SGPP1: variants seen among roughly 807,000 people sequenced by gnomAD.
SGPP1 encodes sphingosine-1-phosphate phosphatase 1.
SGPP1 carries 21 observed loss-of-function variants against 33.0 expected under a neutral mutation model. The observed-to-expected ratio is 0.64, with a 90% CI of 0.45 to 0.92. SGPP1 has a LOEUF of 0.92. Among genes scored for constraint, SGPP1 ranks in the 40% least tolerant of loss-of-function variants. The probability of loss-of-function intolerance (pLI) is 0.00; values close to 1 mark genes in which losing one functional copy is unlikely to be tolerated. For missense variants in SGPP1, 543 were observed against 589.4 expected (o/e 0.92, Z 0.81); for synonymous variants, 239 against 241.2 (o/e 0.99, Z 0.08).
chr14:63,728,036 C>G lies in SGPP1; in HGVS notation c.-92G>C, dbSNP rs1344541458. The G allele has an allele frequency of 7.6e-7, 1 of 1,315,040 alleles. No homozygotes were observed. The highest frequency in any genetic ancestry group is 1.5e-5 in the African/African-American group (1 of 64,744). 81.5% of individuals were successfully genotyped at this position (1,315,040 alleles called of 1,614,324 possible). The stretch of plus-strand genomic sequence containing the variant: ...GCCAGCGGCAGCGGAACCGGCACAG[C>G]GCTCTACCCTCCGGAGTCTGCCGGG... On this transcript the variant is annotated 5_prime_UTR_variant, in exon 1 of 3. Coordinates refer to ENST00000247225, the MANE Select transcript of SGPP1 (RefSeq NM_030791.4).
chr14:63,688,343 AT>A (rs1885026516), intron 2 of SGPP1, among the ~76,000 whole-genome samples: 11 of 145,616 alleles, frequency 7.6e-5, no homozygotes, highest in African/African-American at 2.7e-4. Context: ...AAAAAAAAAA[AT>A]TTTAAAAGAA....
rs983517518 is a variant in SGPP1 at position 63,689,785 on chromosome 14, A to C, written c.775-3129T>G. ...GCACTCTAGCCTTGGTGACAGAGCA[A>C]GACTCTGTCTCAAAAAAAAAAAAAA... On this transcript the variant is annotated intron_variant, in intron 2 of 2. Transcript: ENST00000247225. Among the ~76,000 whole-genome samples the C allele has an allele frequency of 6.1e-4, 93 of 151,652 alleles. 1 individual carries two copies. The highest frequency in any genetic ancestry group is 2.3e-3 in the African/African-American group (93 of 41,310).
intron 2 of SGPP1, among the ~76,000 whole-genome samples, chr14:63,688,109 G>T (rs1332490076): frequency 6.7e-6 from 1 of 150,370 alleles, no homozygotes; most frequent in East Asian, 2.0e-4. Context: ...TGGGCAACAA[G>T]AGTGAAACTC....
chr14:63,692,455 C>CTT (rs143607749), intron 2 of SGPP1, among the ~76,000 whole-genome samples: 3 of 144,816 alleles, frequency 2.1e-5, no homozygotes, highest in African/African-American at 7.5e-5. Context: ...GTTCAACTTC[C>CTT]TTTTTTTTTT....
chr14:63,727,637 C>A lies in SGPP1; in HGVS notation c.308G>T (p.Arg103Leu). Reference sequence around the variant, plus strand: ...GTTGCGGCGCAGAGCGCCCGCGCGCCGCGGCGAGGCCGGGCCCAGCTCGGC... The same window carrying A: ...GTTGCGGCGCAGAGCGCCCGCGCGCAGCGGCGAGGCCGGGCCCAGCTCGGC... ...LAAELGPASP[R>L]RAGALRRNSL... The change falls in exon 1 of 3, where the codon CGG becomes CTG. Residue 103 changes from arginine (R) to leucine (L), a missense_variant. Coordinates refer to ENST00000247225, the MANE Select transcript of SGPP1 (RefSeq NM_030791.4). 7.2e-7 allele frequency: 1 copy of A among 1,390,322 alleles called. No homozygotes were observed. Among genetic ancestry groups the A allele is most frequent in the Non-Finnish European group, 9.3e-7 (1 of 1,080,454 alleles). 86.1% of individuals were successfully genotyped at this position (1,390,322 alleles called of 1,614,324 possible).
intron 1 of SGPP1, among the ~76,000 whole-genome samples, chr14:63,714,897 T>C (rs1322337083): frequency 6.6e-6 from 1 of 150,836 alleles, no homozygotes; most frequent in Non-Finnish European, 1.5e-5. Flanking sequence ...CTGGCTAACT[T>C]TCTATATTTT....
chr14:63,725,824 T>G (rs1885867409), intron 1 of SGPP1, among the ~76,000 whole-genome samples: 1 of 152,250 alleles, frequency 6.6e-6, no homozygotes, highest in African/African-American at 2.4e-5. Flanking sequence ...TAAAAGGCTC[T>G]ATTGTTACAG....
chr14:63,727,750 G>C lies in SGPP1; in HGVS notation c.195C>G (p.Gly65=), dbSNP rs1371858233. The C allele has an allele frequency of 1.1e-5, 17 of 1,481,492 alleles. No homozygotes were observed. The Admixed American group carries it at 3.6e-4, about 31-fold the overall frequency. 91.8% of individuals were successfully genotyped at this position (1,481,492 alleles called of 1,614,324 possible). The change falls in exon 1 of 3, where the codon GGC becomes GGG. Residue 65 remains glycine (G), a synonymous_variant. Transcript: ENST00000247225. The part of the protein sequence containing the change: ...LRGRQPGAPG[G]PQPPGSDRNQ... Reference sequence around the variant, plus strand: ...TGCGGTCGCTCCCGGGAGGCTGGGGGCCTCCAGGCGCCCCTGGCTGCCGCC... The same window carrying C: ...TGCGGTCGCTCCCGGGAGGCTGGGGCCCTCCAGGCGCCCCTGGCTGCCGCC...
At chr14:63,696,054 G>A (rs1385141675) in intron 2 of SGPP1, among the ~76,000 whole-genome samples, 2 of 152,090 alleles carry the variant, frequency 1.3e-5, no homozygotes, top group Admixed American at 6.5e-5. Flanking sequence ...TTGGGAGGCC[G>A]AGGTGGGTGG....
chr14:63,720,487 G>A (rs1885748639), intron 1 of SGPP1, among the ~76,000 whole-genome samples: 3 of 152,060 alleles, frequency 2.0e-5, no homozygotes, highest in Non-Finnish European at 2.9e-5. Context: ...GGCCGGGTGC[G>A]GTGGCTCATG....
intron 1 of SGPP1, among the ~76,000 whole-genome samples, chr14:63,704,900 A>G (rs1480398223): frequency 6.6e-6 from 1 of 152,090 alleles, no homozygotes; most frequent in Non-Finnish European, 1.5e-5. Flanking sequence ...CCTAGGCAGG[A>G]AGATCACTTG....
Position 63,700,385 on chromosome 14 carries a change from T to G in SGPP1, c.685-1727A>C, listed in dbSNP as rs761653952. Among the ~76,000 whole-genome samples the G allele has an allele frequency of 3.9e-5, 6 of 152,222 alleles. No homozygotes were observed. In the East Asian group the frequency reaches 9.6e-4, roughly 24 times the overall value. On this transcript the variant is annotated intron_variant, in intron 1 of 2. Transcript: ENST00000247225. ...ACCCACACTTGTTCCTCCTCTGATA[T>G]TCCCTATTTCATTTGGAAACACCAA...
At chr14:63,698,511 A>G in intron 2 of SGPP1, 58 bp downstream of exon 2, 2 of 983,704 alleles carry the variant, frequency 2.0e-6, no homozygotes, top group South Asian at 1.8e-5. Context: ...TAAAAATTAT[A>G]AAATTTCCTG....
chr14:63,716,790 T>C (rs1447449268), intron 1 of SGPP1, among the ~76,000 whole-genome samples: 1 of 151,562 alleles, frequency 6.6e-6, no homozygotes, highest in East Asian at 1.9e-4. Flanking sequence ...GCCTCCTGGG[T>C]TCAAGCAATT....
In SGPP1 at chr14:63,727,561, G is replaced by C; in HGVS notation, c.384C>G (p.Leu128=). 2 of 1,608,158 alleles carry C rather than the reference G, an allele frequency of 1.2e-6. No homozygotes were observed. Among genetic ancestry groups the C allele is most frequent in the Non-Finnish European group, 8.5e-7 (1 of 1,177,976 alleles). ...CCGTGCCGAAGCAGAACAGGCAGTA[G>C]AGCGGCCAGTTGCTCACGCGGGCCA... The part of the protein sequence containing the change: ...GQLARVSNWP[L]YCLFCFGTEL... The change falls in exon 1 of 3, where the codon CTC becomes CTG. Residue 128 remains leucine (L), a synonymous_variant. Coordinates refer to ENST00000247225, the MANE Select transcript of SGPP1 (RefSeq NM_030791.4).
At position 63,685,911 on chromosome 14, in the gene SGPP1, G is replaced by A. The variant is rs894936452; in HGVS notation, c.*194C>T. On this transcript the variant is annotated 3_prime_UTR_variant, in exon 3 of 3. Coordinates refer to ENST00000247225, the MANE Select transcript of SGPP1 (RefSeq NM_030791.4). ...GGATACTTATCATTTTCTCAGTAAC[G>A]AAATAGCTCAGCTCACCTAAAACAG... The A allele has an allele frequency of 1.3e-5, 5 of 385,078 alleles. No homozygotes were observed. Among genetic ancestry groups the A allele is most frequent in the Admixed American group, 8.6e-5 (2 of 23,376 alleles). The allele number at this position is 385,078 out of a possible 1,614,324, so 23.9% of individuals were successfully genotyped here. A position where few individuals can be genotyped will look rare whatever the true frequency, so the allele number is the denominator to read the frequency against.
At chr14:63,707,156 T>G (rs1013657152) in intron 1 of SGPP1, among the ~76,000 whole-genome samples, 2 of 152,022 alleles carry the variant, frequency 1.3e-5, no homozygotes, top group Non-Finnish European at 2.9e-5. Context: ...TTGCATCTAA[T>G]GTCAGTGTTA....
chr14:63,711,598 T>C (rs1033124218), intron 1 of SGPP1, among the ~76,000 whole-genome samples: 3 of 152,178 alleles, frequency 2.0e-5, no homozygotes, highest in African/African-American at 7.2e-5. Flanking sequence ...AGTCTTCTCT[T>C]AAGGCCTTCA....
chr14:63,720,757 C>T lies in SGPP1; in HGVS notation c.684+6504G>A, dbSNP rs11851072. Among the ~76,000 whole-genome samples the T allele has an allele frequency of 7.3e-3, 1,108 of 151,878 alleles. 14 individuals carry two copies. The highest frequency in any genetic ancestry group is 0.025 in the African/African-American group (1,052 of 41,426). On this transcript the variant is annotated intron_variant, in intron 1 of 2. Transcript: ENST00000247225. ...TCCAGCCTGGGCAACAAGAGCAAAA[C>T]TCCGTCTCAAAACAAACAAACAACT...
Sources: gnomAD v4.1 joint callset for allele counts (sites outside exome capture counted in the v4.1 genomes callset) on GRCh38, gnomAD v4.1.1 for gene constraint, MANE v1.5 for transcripts, NCBI Gene and HGNC (gene_info 2026-07-23, HGNC 2026-07-21) for gene names.